The following SNX29 variants were observed in gnomAD, a reference collection of about 807,000 sequenced individuals.
The protein encoded by SNX29 is sorting nexin 29, also known as sorting nexin-29.
SNX29 carries 78 observed loss-of-function variants against 102.1 expected under a neutral mutation model. The ratio of observed to expected loss-of-function variants is 0.76; its 90% CI spans 0.64 to 0.92. The LOEUF is 0.92. SNX29 is among the 40% of genes least tolerant of loss of function. The pLI is 0.00. For synonymous variants in SNX29, 580 were observed against 414.5 expected (o/e 1.40, Z -4.85); for missense variants, 1,280 against 1,061.7 (o/e 1.21, Z -2.86).
chr16:12,266,472 A>G (rs1355954585), intron 14 of SNX29, among the ~76,000 whole-genome samples: 1 of 152,178 alleles, frequency 6.6e-6, no homozygotes, highest in Non-Finnish European at 1.5e-5. Context: ...ACCGTGGTCT[A>G]CCAGTCATCT....
chr16:12,221,089 A>T (rs1293947968), intron 14 of SNX29, among the ~76,000 whole-genome samples: 1 of 152,102 alleles, frequency 6.6e-6, no homozygotes, highest in African/African-American at 2.4e-5. Flanking sequence ...TTGCCCATAT[A>T]TGAATCGTAT....
rs112101537 is a variant in SNX29, at chr16:12,153,203, C to T, written c.1595+23445C>T. Among the ~76,000 whole-genome samples, 918 of 152,272 alleles carry T rather than the reference C, an allele frequency of 6.0e-3. 10 individuals are homozygous for T. Among genetic ancestry groups the T allele is most frequent in the African/African-American group, 0.02 (848 of 41,548 alleles). Reference sequence around the variant, plus strand: ...GCTTGAGCCCAGGAGTTCGAGGTTGCAGTGAGCTGTGATTGTGCCACTGCA... The same window carrying T: ...GCTTGAGCCCAGGAGTTCGAGGTTGTAGTGAGCTGTGATTGTGCCACTGCA... On this transcript the variant is annotated intron_variant, in intron 13 of 20. Coordinates refer to ENST00000566228, the MANE Select transcript of SNX29 (RefSeq NM_032167.5).
chr16:12,562,025 C>T (rs1255339102), intron 20 of SNX29, among the ~76,000 whole-genome samples: 1 of 152,152 alleles, frequency 6.6e-6, no homozygotes, highest in Non-Finnish European at 1.5e-5. Context: ...CCTGGCCCCT[C>T]ATGGATTTAG....
At chr16:12,363,171 G>A (rs771613784) in intron 16 of SNX29, among the ~76,000 whole-genome samples, 4 of 152,212 alleles carry the variant, frequency 2.6e-5, no homozygotes, top group Non-Finnish European at 4.4e-5. Flanking sequence ...CATTTGGACC[G>A]GGTCCCCAGG....
At chr16:12,041,822 T>C (rs143420661) in intron 4 of SNX29, among the ~76,000 whole-genome samples, 9 of 152,326 alleles carry the variant, frequency 5.9e-5, no homozygotes, top group Middle Eastern at 3.4e-3. Flanking sequence ...TATAAGGTAA[T>C]ATTCAGAGAA....
chr16:12,446,349 C>A (rs762616235), intron 18 of SNX29, among the ~76,000 whole-genome samples: 1 of 152,218 alleles, frequency 6.6e-6, no homozygotes, highest in Non-Finnish European at 1.5e-5. Flanking sequence ...AGCCACTGTG[C>A]CTGGCCCCAT....
chr16:12,554,212 T>C (rs1425499747), intron 20 of SNX29, among the ~76,000 whole-genome samples: 1 of 152,246 alleles, frequency 6.6e-6, no homozygotes, highest in Non-Finnish European at 1.5e-5. Context: ...GATGAGCATA[T>C]ATAGAGCAAA....
chr16:12,424,069 A>G (rs538301045), intron 18 of SNX29, among the ~76,000 whole-genome samples: 19 of 152,338 alleles, frequency 1.2e-4, no homozygotes, highest in South Asian at 8.3e-4. Flanking sequence ...AGCTTTGCAC[A>G]TGTCTACGTT....
At chr16:12,461,124 T>C (rs149562861) in intron 18 of SNX29, among the ~76,000 whole-genome samples, 1 of 152,360 alleles carries the variant, frequency 6.6e-6, no homozygotes, top group African/African-American at 2.4e-5. Context: ...AGCAAATTAC[T>C]GAAGGTCATA....
At chr16:12,013,972 A>G (rs888411881) in intron 3 of SNX29, among the ~76,000 whole-genome samples, 7 of 151,768 alleles carry the variant, frequency 4.6e-5, no homozygotes. Context: ...TTATTAAGAA[A>G]ATGTTTTTAA....
chr16:12,267,829 G>T (rs1229267828), intron 14 of SNX29, among the ~76,000 whole-genome samples: 1 of 152,002 alleles, frequency 6.6e-6, no homozygotes, highest in Non-Finnish European at 1.5e-5. Context: ...TCCAATCATC[G>T]CACTTCTTCT....
At chr16:12,380,177 T>A (rs758359089) in intron 16 of SNX29, among the ~76,000 whole-genome samples, 89 of 152,118 alleles carry the variant, frequency 5.9e-4, no homozygotes, top group African/African-American at 2.1e-3. Context: ...CTGATCAGAA[T>A]GACCTTGGTC....
chr16:11,989,980 A>G (rs2055785198), intron 1 of SNX29, among the ~76,000 whole-genome samples: 1 of 152,100 alleles, frequency 6.6e-6, no homozygotes, highest in Non-Finnish European at 1.5e-5. Context: ...GGTTTTGTGG[A>G]GGTTGAAGTG....
intron 18 of SNX29, among the ~76,000 whole-genome samples, chr16:12,418,262 C>A (rs551955323): frequency 6.6e-6 from 1 of 152,114 alleles, no homozygotes; most frequent in Admixed American, 6.5e-5. Context: ...GCCGCAAAAC[C>A]GTTTGCTAGC....
At chr16:12,532,123 T>C (rs559937942) in intron 20 of SNX29, among the ~76,000 whole-genome samples, 2 of 152,198 alleles carry the variant, frequency 1.3e-5, no homozygotes, top group Non-Finnish European at 2.9e-5. Context: ...TTAGTCAGGA[T>C]TGCCTTGCAC....
chr16:12,192,844 G>C (rs2076678480), intron 13 of SNX29, among the ~76,000 whole-genome samples: 1 of 152,102 alleles, frequency 6.6e-6, no homozygotes, highest in Non-Finnish European at 1.5e-5. Context: ...TGGGATTACA[G>C]GTGCCTGCTA....
At chr16:12,380,148 T>C (rs2083019350) in intron 16 of SNX29, among the ~76,000 whole-genome samples, 1 of 151,812 alleles carries the variant, frequency 6.6e-6, no homozygotes, top group African/African-American at 2.4e-5. Context: ...CCAGGAAGAG[T>C]CCTTAGCTGA....
intron 14 of SNX29, among the ~76,000 whole-genome samples, chr16:12,248,231 AG>A (rs1377369770): frequency 1.3e-5 from 2 of 152,108 alleles, no homozygotes; most frequent in African/African-American, 4.8e-5. Context: ...TCATCCCCAC[AG>A]GATCCAGCCC....
intron 16 of SNX29, among the ~76,000 whole-genome samples, chr16:12,357,560 C>T (rs1193985424): frequency 5.9e-5 from 9 of 152,096 alleles, no homozygotes; most frequent in African/African-American, 2.2e-4. Context: ...TAACTTGTAC[C>T]ATTTTAACCA....
Sources: allele counts gnomAD v4.1 joint callset (sites outside exome capture counted in the v4.1 genomes callset), GRCh38; gene constraint gnomAD v4.1.1; transcripts MANE v1.5; gene names NCBI Gene and HGNC (gene_info 2026-07-23, HGNC 2026-07-21).